The following ZNF462 variants were observed in gnomAD, a reference collection of about 807,000 sequenced individuals.
ZNF462 encodes the protein zinc finger protein 462, also known as zinc finger PBX1-interacting protein.
In ZNF462, 10 loss-of-function variants were observed where a neutral mutation model predicts 201.9. The observed-to-expected ratio is 0.05, with a 90% CI of 0.03 to 0.08. ZNF462 has a LOEUF of 0.08. Ranked by LOEUF, ZNF462 falls within the 10% of genes least tolerant of loss-of-function variation. The probability of loss-of-function intolerance (pLI) is 1.00; values close to 1 mark genes in which losing one functional copy is unlikely to be tolerated. For synonymous variants in ZNF462, 1,227 were observed against 1,193.3 expected, an observed-to-expected ratio of 1.03 and a Z score of -0.58; for missense variants, 2,523 against 3,168.3, an observed-to-expected ratio of 0.80 and a Z score of 4.89.
chr9:106,978,345 A>G lies in ZNF462; in HGVS notation c.6832+4072A>G, dbSNP rs186113962. 5.9e-5 allele frequency among the ~76,000 whole-genome samples: 9 copies of G among 151,794 alleles called. No homozygotes were observed. The highest frequency in any genetic ancestry group is 1.0e-4 in the Non-Finnish European group (7 of 68,036). On this transcript the variant is annotated intron_variant, in intron 9 of 12. Coordinates refer to ENST00000277225, the MANE Select transcript of ZNF462 (RefSeq NM_021224.6). The surrounding 1 kb of genome is among the most constrained non-coding windows in gnomAD (Gnocchi z 4.1). ...CGGGGTCCTGAAGAGAATAGGAAGC[A>G]TACCAGAGAAGTATGTTCTGGCCAA...
intron 10 of ZNF462, among the ~76,000 whole-genome samples, chr9:106,989,585 A>G (rs902316870): frequency 6.6e-6 from 1 of 151,924 alleles, no homozygotes; most frequent in Non-Finnish European, 1.5e-5. Context: ...CTCTTTCTCT[A>G]TCTTGTGGGA....
intron 1 of ZNF462, among the ~76,000 whole-genome samples, chr9:106,869,034 ATC>A (rs1255127959): frequency 6.6e-6 from 1 of 152,120 alleles, no homozygotes; most frequent in Non-Finnish European, 1.5e-5. Flanking sequence ...TCCTGCTCTC[ATC>A]TCTCATTCCA....
intron 1 of ZNF462, among the ~76,000 whole-genome samples, chr9:106,884,132 A>C (rs892591179): frequency 6.6e-6 from 1 of 152,204 alleles, no homozygotes; most frequent in African/African-American, 2.4e-5. Flanking sequence ...TTAGAAACAA[A>C]AAGGGATTTA....
Position 106,928,755 on chromosome 9 carries a change from C to T in ZNF462, c.4843C>T (p.Leu1615=). The change falls in exon 3 of 13, where the codon CTG becomes TTG. Residue 1615 remains leucine (L), a synonymous_variant. Transcript: ENST00000277225. The surrounding 1 kb of genome is among the most constrained non-coding windows in gnomAD (Gnocchi z 9.3). ...FDVFSQSPPK[L]PVPLEPEMTT... ...TGTCTTTTCCCAGTCGCCCCCGAAG[C>T]TGCCAGTCCCCCTCGAGCCCGAGAT... 1 of 1,614,144 alleles carries T rather than the reference C, an allele frequency of 6.2e-7. No homozygotes were observed.
chr9:106,882,730 C>A (rs1312597998), intron 1 of ZNF462, among the ~76,000 whole-genome samples: 1 of 152,070 alleles, frequency 6.6e-6, no homozygotes, highest in Non-Finnish European at 1.5e-5. Context: ...TTCAGTGATT[C>A]AAGGCCATTG....
intron 10 of ZNF462, among the ~76,000 whole-genome samples, chr9:106,994,680 A>G (rs888313264): frequency 1.3e-5 from 2 of 152,110 alleles, no homozygotes; most frequent in African/African-American, 4.8e-5. Flanking sequence ...CGTGTGTTGT[A>G]GAAGACAGAG....
At chr9:106,975,453 C>T (rs995104804) in intron 9 of ZNF462, 2 of 152,224 alleles carry the variant, frequency 1.3e-5, no homozygotes, top group Non-Finnish European at 2.9e-5. Context: ...CATGCAAACT[C>T]AATGGAAGGC....
At position 106,959,270 on chromosome 9, in the gene ZNF462, C is replaced by T. The variant is rs144445961; in HGVS notation, c.6428-12735C>T. On this transcript the variant is annotated intron_variant, in intron 7 of 12. Coordinates refer to ENST00000277225, the MANE Select transcript of ZNF462 (RefSeq NM_021224.6). ...CAGAACTGGTCAGTCAAAAAGTAGC[C>T]TCCAAGCAGCTACTATGTGCCTAGA... Among the ~76,000 whole-genome samples the T allele has an allele frequency of 4.7e-3, 713 of 152,190 alleles. 5 individuals carry two copies. The highest frequency in any genetic ancestry group is 0.031 in the Middle Eastern group (9 of 294).
At chr9:106,867,318 A>C (rs1397069786) in intron 1 of ZNF462, among the ~76,000 whole-genome samples, 5 of 152,202 alleles carry the variant, frequency 3.3e-5, no homozygotes, top group Non-Finnish European at 7.3e-5. Flanking sequence ...AAGCTCAAAG[A>C]TCATTTTTGT....
intron 1 of ZNF462, among the ~76,000 whole-genome samples, chr9:106,874,081 C>T (rs946851050): frequency 1.3e-5 from 2 of 151,908 alleles, no homozygotes; most frequent in African/African-American, 4.8e-5. Context: ...TTATAAAAAC[C>T]GTTATTTTCT....
In ZNF462 at chr9:106,865,078, G is replaced by A. The variant is rs1447993391; in HGVS notation, c.-31+1723G>A. Among the ~76,000 whole-genome samples the A allele has an allele frequency of 6.6e-6, 1 of 152,142 alleles. No homozygotes were observed. The highest frequency in any genetic ancestry group is 1.5e-5 in the Non-Finnish European group (1 of 68,034). ...CTTTCCAGAGGGAAACCTTGTGGTG[G>A]TTCCTCACTGTCTATTCATTATGCA... On this transcript the variant is annotated intron_variant, in intron 1 of 12. Coordinates refer to ENST00000277225, the MANE Select transcript of ZNF462 (RefSeq NM_021224.6). This position sits in a 1 kb window ranked among gnomAD's most constrained non-coding sequence, Gnocchi z 4.1.
chr9:106,894,415 G>T (rs549525963), intron 1 of ZNF462, among the ~76,000 whole-genome samples: 10 of 152,184 alleles, frequency 6.6e-5, no homozygotes, highest in Non-Finnish European at 1.5e-4. Context: ...TCCATAACAC[G>T]ATATAACAGA....
chr9:106,937,193 C>T (rs1261002420), intron 6 of ZNF462, among the ~76,000 whole-genome samples: 2 of 152,030 alleles, frequency 1.3e-5, no homozygotes, highest in African/African-American at 4.8e-5. Context: ...GCAATATTCA[C>T]ACAACCAAGC....
Position 106,929,787 on chromosome 9 carries a change from C to G in ZNF462, c.5847+28C>G. The G allele has an allele frequency of 6.4e-7, 1 of 1,573,822 alleles. No homozygotes were observed. Among genetic ancestry groups the G allele is most frequent in the Non-Finnish European group, 8.6e-7 (1 of 1,157,712 alleles). On this transcript the variant is annotated intron_variant, in intron 3 of 12. Coordinates refer to ENST00000277225, the MANE Select transcript of ZNF462 (RefSeq NM_021224.6). The surrounding 1 kb of genome is among the most constrained non-coding windows in gnomAD (Gnocchi z 8.7). Reference sequence around the variant, plus strand: ...AAGGATATGTTTTGATTTCCCTTCCCCCAGGAGGCCTCTCATCACTGGTGC... The same window carrying G: ...AAGGATATGTTTTGATTTCCCTTCCGCCAGGAGGCCTCTCATCACTGGTGC...
At chr9:106,889,314 G>T (rs1453015276) in intron 1 of ZNF462, among the ~76,000 whole-genome samples, 1 of 152,178 alleles carries the variant, frequency 6.6e-6, no homozygotes, top group African/African-American at 2.4e-5. Context: ...CTCCTTCGCT[G>T]TGCTCGGGTA....
At chr9:106,934,012 T>C (rs1237163184) in intron 5 of ZNF462, among the ~76,000 whole-genome samples, 1 of 152,172 alleles carries the variant, frequency 6.6e-6, no homozygotes, top group Non-Finnish European at 1.5e-5. Context: ...ATTTCATAAT[T>C]TAAATTGCTG....
At position 106,927,047 on chromosome 9, in the gene ZNF462, C is replaced by T; in HGVS notation, c.3135C>T (p.Val1045=). ...CSFASPNMHS[V]LVHYQKKHPE... The stretch of plus-strand genomic sequence containing the variant: ...TTGCAAGCCCCAACATGCATTCTGT[C>T]TTGGTTCATTATCAGAAGAAACACC... Residue 1045 remains valine, a synonymous_variant, in exon 3 of 13, where the codon GTC becomes GTT. Transcript: ENST00000277225. 1 of 1,613,984 alleles carries T rather than the reference C, an allele frequency of 6.2e-7. No individual in the cohort carries two copies. The highest frequency in any genetic ancestry group is 8.5e-7 in the Non-Finnish European group (1 of 1,179,956).
rs1001376315 is a variant in ZNF462, at chr9:106,883,813, C to T, written c.-31+20458C>T. Among the ~76,000 whole-genome samples, 6 of 152,106 alleles carry T rather than the reference C, an allele frequency of 3.9e-5. No homozygotes were observed. The highest frequency in any genetic ancestry group is 9.7e-5 in the African/African-American group (4 of 41,406). On this transcript the variant is annotated intron_variant, in intron 1 of 12. Coordinates refer to ENST00000277225, the MANE Select transcript of ZNF462 (RefSeq NM_021224.6). This position sits in a 1 kb window ranked among gnomAD's most constrained non-coding sequence, Gnocchi z 4.9. ...TCATTTAGATGGACAGGGGAGCCTA[C>T]GCAAGTCATGGGGGCTGGTGAGCAA...
Position 106,929,563 on chromosome 9 carries a change from G to A in ZNF462, c.5651G>A (p.Gly1884Asp). The A allele has an allele frequency of 2.5e-6, 4 of 1,614,164 alleles. No individual in the cohort carries two copies. Among genetic ancestry groups the A allele is most frequent in the Non-Finnish European group, 3.4e-6 (4 of 1,180,040 alleles). The change falls in exon 3 of 13, where the codon GGC (glycine) becomes GAC (aspartate). Residue 1884 changes from glycine (G) to aspartate (D), a missense_variant. Physicochemically the swap from Gly to Asp is moderately conservative, Grantham distance 94. Transcript: ENST00000277225. This position sits in a 1 kb window ranked among gnomAD's most constrained non-coding sequence, Gnocchi z 8.7. ...AGGGACTTCATCATTCTGGGCAACG[G>A]CCCCCGCTTGCAGAACTCCACCTAC... Reference protein sequence around the residue: ...LKRDFIILGNGPRLQNSTYQC... With the variant: ...LKRDFIILGNDPRLQNSTYQC...
Sources: gnomAD v4.1 joint callset for allele counts (sites outside exome capture counted in the v4.1 genomes callset) on GRCh38, gnomAD v4.1.1 for gene constraint, Gnocchi (gnomAD v3.1) non-coding constraint, MANE v1.5 for transcripts, NCBI Gene and HGNC (gene_info 2026-07-23, HGNC 2026-07-21) for gene names.